ZNF516: variants seen among roughly 807,000 people sequenced by gnomAD.
ZNF516 encodes the protein zinc finger protein 516.
ZNF516 carries 19 observed loss-of-function variants against 79.7 expected under a neutral mutation model. The observed-to-expected ratio is 0.24, with a 90% CI of 0.17 to 0.35. ZNF516 has a LOEUF of 0.35. ZNF516 is among the 10% of genes least tolerant of loss of function. The pLI, the probability that ZNF516 is intolerant of heterozygous loss-of-function variation, is 1.00. For missense variants in ZNF516, 1,678 were observed against 1,679.5 expected (o/e 1.00, Z 0.02); for synonymous variants, 877 against 739.5 (o/e 1.19, Z -3.02).
intron 3 of ZNF516, among the ~76,000 whole-genome samples, chr18:76,383,092 C>T (rs528313281): frequency 6.6e-6 from 1 of 151,356 alleles, no homozygotes; most frequent in African/African-American, 2.4e-5. Context: ...TCGATGTCAC[C>T]GGTCGAGAGT....
intron 1 of ZNF516, among the ~76,000 whole-genome samples, chr18:76,471,716 T>C (rs913255438): frequency 6.6e-6 from 1 of 152,116 alleles, no homozygotes; most frequent in Admixed American, 6.5e-5. Flanking sequence ...TGGAGCCGAC[T>C]TCCCCCAGGA....
Position 76,443,231 on chromosome 18 carries a change from T to G in ZNF516, c.-157-20A>C, listed in dbSNP as rs1245242221. On this transcript the variant is annotated intron_variant, in intron 2 of 6. Transcript: ENST00000443185. ...CAGCACCTGAAACAGAGATGGAACA[T>G]CATCAGCAAAGCTCCTGGCTAAGAG... 1.0e-6 allele frequency: 1 copy of G among 963,466 alleles called. No homozygotes were observed. Among genetic ancestry groups the G allele is most frequent in the Non-Finnish European group, 1.5e-6 (1 of 681,012 alleles). The allele number at this position is 963,466 out of a possible 1,614,324, so 59.7% of individuals were successfully genotyped here. A position where few individuals can be genotyped will look rare whatever the true frequency, so the allele number is the denominator to read the frequency against.
At chr18:76,420,557 T>C (rs140635573) in intron 3 of ZNF516, among the ~76,000 whole-genome samples, 4 of 152,292 alleles carry the variant, frequency 2.6e-5, no homozygotes, top group East Asian at 3.9e-4. Flanking sequence ...GAGTGGGGCA[T>C]GTTATTTCGT....
intron 3 of ZNF516, chr18:76,386,880 T>C (rs932702849): frequency 1.3e-5 from 2 of 152,246 alleles, no homozygotes; most frequent in Non-Finnish European, 2.9e-5. Context: ...ACCATCATGA[T>C]GGTTCCCACA....
At chr18:76,373,431 C>A (rs969528285) in intron 4 of ZNF516, among the ~76,000 whole-genome samples, 20 of 152,222 alleles carry the variant, frequency 1.3e-4, no homozygotes, top group Non-Finnish European at 2.5e-4. Context: ...GGAGCTCCTA[C>A]GAAATGAATT....
rs1056876774 is a variant in ZNF516, at chr18:76,359,276, G to T, written c.*3222C>A. ...CTTAAAACACTTAATACTTTTCAGAGCCTCAAAGGCAAAATTCACCTGGCT... is the reference window on the plus strand; with the variant it reads ...CTTAAAACACTTAATACTTTTCAGATCCTCAAAGGCAAAATTCACCTGGCT... On this transcript the variant is annotated 3_prime_UTR_variant, in exon 7 of 7. Coordinates refer to ENST00000443185, the MANE Select transcript of ZNF516 (RefSeq NM_014643.4). The T allele has an allele frequency of 1.3e-5, 2 of 152,146 alleles. No individual in the cohort carries two copies. The highest frequency in any genetic ancestry group is 1.9e-4 in the East Asian group (1 of 5,190). 9.4% of individuals were successfully genotyped at this position (152,146 alleles called of 1,614,324 possible).
chr18:76,402,288 G>A (rs1341349997), intron 3 of ZNF516, among the ~76,000 whole-genome samples: 3 of 152,166 alleles, frequency 2.0e-5, no homozygotes, highest in African/African-American at 7.2e-5. Flanking sequence ...CAGAGAAGTC[G>A]AGAGTAAACC....
In ZNF516 at chr18:76,490,474, A is replaced by C. The variant is rs117785564; in HGVS notation, c.-272+4670T>G. ...TTTACACGGCAGTAGCCAGTATCCT[A>C]TCAAATAACATGCATGCCTAGCTCT... On this transcript the variant is annotated intron_variant, in intron 1 of 6. Coordinates refer to ENST00000443185, the MANE Select transcript of ZNF516 (RefSeq NM_014643.4). 6.8e-4 allele frequency among the ~76,000 whole-genome samples: 103 copies of C among 152,332 alleles called. 1 individual carries two copies. Among genetic ancestry groups the C allele is most frequent in the East Asian group, 5.4e-3 (28 of 5,188 alleles).
chr18:76,450,593 G>A (rs1360267594), intron 2 of ZNF516, among the ~76,000 whole-genome samples: 8 of 152,088 alleles, frequency 5.3e-5, no homozygotes, highest in African/African-American at 1.9e-4. Context: ...GCCTTCTGTG[G>A]CCAACACGAA....
intron 3 of ZNF516, among the ~76,000 whole-genome samples, chr18:76,403,885 G>A (rs1424139366): frequency 6.6e-6 from 1 of 152,140 alleles, no homozygotes; most frequent in African/African-American, 2.4e-5. Context: ...AAAATCTGGG[G>A]AACATGCATA....
chr18:76,431,316 A>C (rs778301746), intron 3 of ZNF516, among the ~76,000 whole-genome samples: 26 of 152,242 alleles, frequency 1.7e-4, no homozygotes, highest in Non-Finnish European at 3.5e-4. Flanking sequence ...ATTTAAAAGA[A>C]AGTCTAAACT....
At position 76,370,519 on chromosome 18, in the gene ZNF516, G is replaced by C. The variant is rs776585313; in HGVS notation, c.3432+9C>G. 1.1e-5 allele frequency: 17 copies of C among 1,600,718 alleles called. No individual in the cohort carries two copies. The highest frequency in any genetic ancestry group is 1.4e-5 in the Non-Finnish European group (16 of 1,172,570). ...GAAACCCAGACATCCAATTCATCAT[G>C]AGACCTACTTGTTTGGGGGCGTCTG... is the stretch of plus-strand genomic sequence containing the variant. On this transcript the variant is annotated intron_variant, in intron 6 of 6. Coordinates refer to ENST00000443185, the MANE Select transcript of ZNF516 (RefSeq NM_014643.4).
At chr18:76,380,863 G>T (rs2074880416) in intron 3 of ZNF516, among the ~76,000 whole-genome samples, 1 of 152,154 alleles carries the variant, frequency 6.6e-6, no homozygotes, top group Non-Finnish European at 1.5e-5. Context: ...CAGCCATAGG[G>T]CTCCCTCCCT....
At chr18:76,411,175 T>C (rs765027721) in intron 3 of ZNF516, among the ~76,000 whole-genome samples, 3 of 152,220 alleles carry the variant, frequency 2.0e-5, no homozygotes, top group Non-Finnish European at 4.4e-5. Context: ...GTTCAACACG[T>C]AGCCTCTCAT....
At chr18:76,384,993 G>A (rs1029354499) in intron 3 of ZNF516, among the ~76,000 whole-genome samples, 1 of 152,246 alleles carries the variant, frequency 6.6e-6, no homozygotes, top group Admixed American at 6.5e-5. Context: ...GCGGCCCTGT[G>A]CAGAGGGAGC....
At chr18:76,492,218 C>G in intron 1 of ZNF516, 1 of 985,468 alleles carries the variant, frequency 1.0e-6, no homozygotes, top group Non-Finnish European at 1.2e-6. Context: ...CACCGCGTCT[C>G]CAACATTTAC....
chr18:76,452,279 C>A (rs1237909506), intron 2 of ZNF516, among the ~76,000 whole-genome samples: 3 of 152,210 alleles, frequency 2.0e-5, no homozygotes, highest in Non-Finnish European at 2.9e-5. Context: ...AGGTAAGTCT[C>A]CAGCCGGCTT....
intron 6 of ZNF516, among the ~76,000 whole-genome samples, chr18:76,369,651 G>A (rs2074670733): frequency 6.6e-6 from 1 of 152,074 alleles, no homozygotes; most frequent in Admixed American, 6.6e-5. Flanking sequence ...CCAGCAACCA[G>A]GAATCCCACA....
chr18:76,479,257 C>A (rs895524816), intron 1 of ZNF516, among the ~76,000 whole-genome samples: 2 of 152,194 alleles, frequency 1.3e-5, no homozygotes, highest in African/African-American at 4.8e-5. Flanking sequence ...AACAGTCGTT[C>A]CAGCTCTTGC....
Sources: allele counts gnomAD v4.1 joint callset (sites outside exome capture counted in the v4.1 genomes callset), GRCh38; gene constraint gnomAD v4.1.1; transcripts MANE v1.5; gene names NCBI Gene and HGNC (gene_info 2026-07-23, HGNC 2026-07-21).